TOR1AIP1: variants seen among roughly 807,000 people sequenced by gnomAD.
TOR1AIP1 encodes the protein torsin-1A-interacting protein 1.
Under a neutral mutation model 63.3 loss-of-function variants are expected in TOR1AIP1, and 54 were observed. The observed-to-expected ratio is 0.85, with a 90% CI of 0.69 to 1.07. TOR1AIP1 has a LOEUF of 1.07. TOR1AIP1 is among the 50% of genes least tolerant of loss of function. TOR1AIP1 has a pLI of 0.00. For missense variants in TOR1AIP1, 736 were observed against 715.0 expected (o/e 1.03, Z -0.33); for synonymous variants, 294 against 273.5 (o/e 1.07, Z -0.74).
intron 1 of TOR1AIP1, among the ~76,000 whole-genome samples, chr1:179,884,236 G>A (rs1647836685): frequency 6.6e-6 from 1 of 152,126 alleles, no homozygotes; most frequent in Non-Finnish European, 1.5e-5. Context: ...TTCAGTACCT[G>A]GAAGAATGCT....
chr1:179,883,046 GTGGAGCTCATGCCCGCC>G (rs1647788602), intron 1 of TOR1AIP1, 69 bp downstream of exon 1: 1 of 1,428,242 alleles, frequency 7.0e-7, no homozygotes, highest in African/African-American at 1.4e-5. Context: ...GCGCGCCTCG[GTGGAGCTCATGCCCGCC>G]TGGGTACTAA....
chr1:179,882,389 C>G lies in TOR1AIP1; in HGVS notation c.-114C>G. Reference sequence around the variant, plus strand: ...GGCCCCAGCGACTCGCAACTGCCTCCCTGACCACAGCGGCCACCGCCCAAC... The same window carrying G: ...GGCCCCAGCGACTCGCAACTGCCTCGCTGACCACAGCGGCCACCGCCCAAC... On this transcript the variant is annotated 5_prime_UTR_variant, in exon 1 of 10. Coordinates refer to ENST00000606911, the MANE Select transcript of TOR1AIP1 (RefSeq NM_015602.4). The G allele has an allele frequency of 8.7e-7, 1 of 1,152,904 alleles. No homozygotes were observed. Among genetic ancestry groups the G allele is most frequent in the Non-Finnish European group, 1.1e-6 (1 of 872,102 alleles). 71.4% of individuals were successfully genotyped at this position (1,152,904 alleles called of 1,614,324 possible).
chr1:179,891,963 G>A (rs561459279), intron 3 of TOR1AIP1, among the ~76,000 whole-genome samples: 2 of 152,294 alleles, frequency 1.3e-5, no homozygotes, highest in South Asian at 4.1e-4. Context: ...ATTCATTTCA[G>A]TGTCTGCCTG....
intron 9 of TOR1AIP1, among the ~76,000 whole-genome samples, chr1:179,914,516 C>A (rs756235577): frequency 6.6e-6 from 1 of 152,218 alleles, no homozygotes; most frequent in Middle Eastern, 3.2e-3. Flanking sequence ...ACTTAATGGG[C>A]TGAGCGTGGT....
intron 3 of TOR1AIP1, among the ~76,000 whole-genome samples, chr1:179,893,722 A>T (rs1456047509): frequency 6.6e-6 from 1 of 152,094 alleles, no homozygotes; most frequent in African/African-American, 2.4e-5. Context: ...ATTTACAGGC[A>T]TGAGCCACCA....
Position 179,918,298 on chromosome 1 carries a change from C to G in TOR1AIP1, c.*59C>G. The G allele has an allele frequency of 6.8e-7, 1 of 1,478,192 alleles. No individual in the cohort carries two copies. The highest frequency in any genetic ancestry group is 9.0e-7 in the Non-Finnish European group (1 of 1,110,626). The allele number at this position is 1,478,192 out of a possible 1,614,324, so 91.6% of individuals were successfully genotyped here. A position where few individuals can be genotyped will look rare whatever the true frequency, so the allele number is the denominator to read the frequency against. On this transcript the variant is annotated 3_prime_UTR_variant, in exon 10 of 10. Transcript: ENST00000606911. Reference sequence around the variant, plus strand: ...TCTGAGAATTGTTCACACTTTCTAACCAGAGACAGAATTCAGAGCTCTTTT... The same window carrying G: ...TCTGAGAATTGTTCACACTTTCTAAGCAGAGACAGAATTCAGAGCTCTTTT...
Position 179,907,755 on chromosome 1 carries a change from T to A in TOR1AIP1, c.797-68T>A. 3.2e-6 allele frequency: 4 copies of A among 1,267,008 alleles called. No individual in the cohort carries two copies. The South Asian group carries it at 5.9e-5, about 19-fold the overall frequency. The allele number at this position is 1,267,008 out of a possible 1,614,324, so 78.5% of individuals were successfully genotyped here. ...GTATCCACAGTAAACAAGCAAAATG[T>A]CTGTGCAACATCTTTTTTGTTGTTA... On this transcript the variant is annotated intron_variant, in intron 6 of 9. Transcript: ENST00000606911.
rs1649107452 is a variant in TOR1AIP1 at position 179,918,971 on chromosome 1, C to T, written c.*732C>T. ...ATTCTTGGCTGTCCCAAGGATTCTT[C>T]ATGTATATTGCAAAATTTAATATAT... On this transcript the variant is annotated 3_prime_UTR_variant, in exon 10 of 10. Coordinates refer to ENST00000606911, the MANE Select transcript of TOR1AIP1 (RefSeq NM_015602.4). 1 of 152,088 alleles carries T rather than the reference C, an allele frequency of 6.6e-6. No homozygotes were observed. Among genetic ancestry groups the T allele is most frequent in the Non-Finnish European group, 1.5e-5 (1 of 68,016 alleles). The allele number at this position is 152,088 out of a possible 1,614,324, so 9.4% of individuals were successfully genotyped here.
At chr1:179,916,705 T>C (rs1054641145) in intron 9 of TOR1AIP1, among the ~76,000 whole-genome samples, 9 of 138,292 alleles carry the variant, frequency 6.5e-5, no homozygotes, top group African/African-American at 2.4e-4. Flanking sequence ...CTTTTCTTTT[T>C]TTTTTTTTTT....
In TOR1AIP1 at chr1:179,882,325, G is replaced by A. The variant is rs1004988083; in HGVS notation, c.-178G>A. 1.8e-6 allele frequency: 1 copy of A among 543,550 alleles called. No individual in the cohort carries two copies. Among genetic ancestry groups the A allele is most frequent in the African/African-American group, 2.0e-5 (1 of 50,988 alleles). The allele number at this position is 543,550 out of a possible 1,614,324, so 33.7% of individuals were successfully genotyped here. A position where few individuals can be genotyped will look rare whatever the true frequency, so the allele number is the denominator to read the frequency against. On this transcript the variant is annotated 5_prime_UTR_variant, in exon 1 of 10. Transcript: ENST00000606911. ...GCCCTCAAGACACACCATGGGCCCA[G>A]AGGCAGGTTTGCTACACAGCAGCGA...
chr1:179,909,913 G>A (rs1035655270), intron 8 of TOR1AIP1, among the ~76,000 whole-genome samples: 7 of 151,994 alleles, frequency 4.6e-5, no homozygotes, highest in Non-Finnish European at 8.8e-5. Flanking sequence ...GCATGCATGC[G>A]CCACCATGCC....
chr1:179,889,386 CT>C lies in TOR1AIP1; in HGVS notation c.610+18del. On this transcript the variant is annotated intron_variant, in intron 3 of 9. Coordinates refer to ENST00000606911, the MANE Select transcript of TOR1AIP1 (RefSeq NM_015602.4). ...CAAGATATGGTAAGAGATTGTTTGT[CT>C]GTTGGTTTACCTTTGTTATAAATAC... The C allele has an allele frequency of 1.3e-6, 2 of 1,596,138 alleles. No homozygotes were observed. The highest frequency in any genetic ancestry group is 1.7e-6 in the Non-Finnish European group (2 of 1,166,908).
At chr1:179,915,884 G>A (rs559337608) in intron 9 of TOR1AIP1, among the ~76,000 whole-genome samples, 4 of 152,322 alleles carry the variant, frequency 2.6e-5, no homozygotes, top group Admixed American at 2.0e-4. Flanking sequence ...AAGTCTGACT[G>A]TAGTTTGTTA....
Position 179,903,982 on chromosome 1 carries a change from A to T in TOR1AIP1, c.756A>T (p.Ser252=). ...SDESGDKTTR[S]SSQYIESFWQ... ...ATTTTTTAGATAAAACCACCAGATC[A>T]TCTAGTCAATATATAGAATCATTTT... Residue 252 remains serine, a synonymous_variant, in exon 6 of 10, where the codon TCA becomes TCT. Coordinates refer to ENST00000606911, the MANE Select transcript of TOR1AIP1 (RefSeq NM_015602.4). 1 of 1,606,212 alleles carries T rather than the reference A, an allele frequency of 6.2e-7. No individual in the cohort carries two copies. Among genetic ancestry groups the T allele is most frequent in the Non-Finnish European group, 8.5e-7 (1 of 1,174,286 alleles).
At chr1:179,900,240 A>T (rs1295360063) in intron 4 of TOR1AIP1, 73 bp downstream of exon 4, 2 of 1,098,580 alleles carry the variant, frequency 1.8e-6, no homozygotes, top group African/African-American at 1.6e-5. Context: ...ATTCTGATAG[A>T]TATTTAAGAA....
chr1:179,910,176 C>T (rs1045698617), intron 8 of TOR1AIP1, among the ~76,000 whole-genome samples: 28 of 152,286 alleles, frequency 1.8e-4, no homozygotes, highest in African/African-American at 5.1e-4. Context: ...TATGGAAATG[C>T]GTCCACGTTA....
intron 2 of TOR1AIP1, among the ~76,000 whole-genome samples, chr1:179,887,104 C>T (rs1045783708): frequency 6.6e-6 from 1 of 151,914 alleles, no homozygotes; most frequent in Non-Finnish European, 1.5e-5. Flanking sequence ...GATGCCCTTA[C>T]GAATAAAGAC....
At chr1:179,916,779 C>T (rs1210720847) in intron 9 of TOR1AIP1, among the ~76,000 whole-genome samples, 4 of 144,762 alleles carry the variant, frequency 2.8e-5, no homozygotes, top group African/African-American at 1.0e-4. Context: ...TCTCGGCTCA[C>T]TGCAACCTCC....
intron 3 of TOR1AIP1, among the ~76,000 whole-genome samples, chr1:179,898,324 G>A (rs1413540566): frequency 2.6e-5 from 4 of 152,112 alleles, no homozygotes; most frequent in African/African-American, 9.7e-5. Flanking sequence ...CATTCATGAA[G>A]GGTTTTTTGA....
Sources: allele counts gnomAD v4.1 joint callset (sites outside exome capture counted in the v4.1 genomes callset), GRCh38; gene constraint gnomAD v4.1.1; transcripts MANE v1.5; gene names NCBI Gene and HGNC (gene_info 2026-07-23, HGNC 2026-07-21).